The following PRIM2 variants were observed in gnomAD, a reference collection of about 807,000 sequenced individuals.
The protein encoded by PRIM2 is DNA primase large subunit.
A neutral mutation model predicts 67.3 loss-of-function variants in PRIM2; 39 were observed. The ratio of observed to expected loss-of-function variants is 0.58; its 90% confidence interval spans 0.45 to 0.76. PRIM2 has a LOEUF of 0.76. Ranked by LOEUF, PRIM2 falls within the 30% of genes least tolerant of loss-of-function variation. The pLI, the probability that PRIM2 is intolerant of heterozygous loss-of-function variation, is 0.00. For missense variants in PRIM2, 398 were observed against 598.7 expected (o/e 0.66, Z 3.50); for synonymous variants, 143 against 198.7 (o/e 0.72, Z 2.36).
intron 3 of PRIM2, 72 bp downstream of exon 3, chr6:57,320,632 G>T: frequency 2.1e-6 from 2 of 950,812 alleles, no homozygotes; most frequent in Non-Finnish European, 1.6e-6. Flanking sequence ...TTGTGGGAAA[G>T]ATATTATATT....
chr6:57,508,769 T>G (rs1161941058), intron 8 of PRIM2, among the ~76,000 whole-genome samples: 2 of 152,184 alleles, frequency 1.3e-5, no homozygotes, highest in Admixed American at 1.3e-4. Flanking sequence ...ATTTTCCTTA[T>G]TTTTGAGGTG....
chr6:57,268,118 G>C, the PRIM2 span, among the ~76,000 whole-genome samples: 1 of 152,146 alleles, frequency 6.6e-6, no homozygotes. Context: ...AGTATTAGGT[G>C]GTTGGAAGGT....
At chr6:57,431,074 A>G (rs76866683) in intron 7 of PRIM2, among the ~76,000 whole-genome samples, 1 of 152,192 alleles carries the variant, frequency 6.6e-6, no homozygotes, top group Admixed American at 6.5e-5. Flanking sequence ...AAGAGTGAAC[A>G]TGTGTACACA....
intron 7 of PRIM2, among the ~76,000 whole-genome samples, chr6:57,399,471 T>C (rs1367449002): frequency 5.3e-5 from 8 of 152,236 alleles, no homozygotes; most frequent in African/African-American, 1.9e-4. Context: ...TCCAAGTCTT[T>C]GCTATTGTGA....
At chr6:57,539,566 TTG>T (rs1175516387) in intron 10 of PRIM2, among the ~76,000 whole-genome samples, 56,460 of 147,254 alleles carry the variant, frequency 0.38, 11,029 homozygotes, top group East Asian at 0.65. Context: ...ATTATATTCT[TTG>T]TGTGTGTGTG....
intron 7 of PRIM2, among the ~76,000 whole-genome samples, chr6:57,422,463 TTC>T (rs1421580956): frequency 5.3e-5 from 8 of 152,166 alleles, no homozygotes; most frequent in Non-Finnish European, 1.2e-4. Context: ...GATTTATATT[TTC>T]TGTCATTATT....
chr6:57,306,468 G>C, the PRIM2 span, among the ~76,000 whole-genome samples: 1 of 152,194 alleles, frequency 6.6e-6, no homozygotes, highest in Non-Finnish European at 1.5e-5. Context: ...TGAGGGTGCT[G>C]ACTCAGTAAA....
intron 10 of PRIM2, among the ~76,000 whole-genome samples, chr6:57,542,037 G>T (rs1221540089): frequency 4.1e-5 from 6 of 146,954 alleles, no homozygotes; most frequent in Non-Finnish European, 5.9e-5. Context: ...GTGCAGTGGC[G>T]CAGTCTTAGC....
At chr6:57,513,511 G>A (rs1554347906) in intron 8 of PRIM2, among the ~76,000 whole-genome samples, 5 of 151,782 alleles carry the variant, frequency 3.3e-5, no homozygotes, top group Admixed American at 2.0e-4. Flanking sequence ...TAAAAATAAC[G>A]CCTACAGTGT....
chr6:57,267,631 A>C, the PRIM2 span, among the ~76,000 whole-genome samples: 1 of 151,738 alleles, frequency 6.6e-6, no homozygotes, highest in South Asian at 2.1e-4. Flanking sequence ...AATGGTTGAC[A>C]TGCACGGTGG....
At chr6:57,539,051 A>G (rs1775078495) in intron 10 of PRIM2, among the ~76,000 whole-genome samples, 2 of 152,214 alleles carry the variant, frequency 1.3e-5, no homozygotes, top group Admixed American at 1.3e-4. Context: ...AACATTATAA[A>G]AAGCTGTTAT....
the PRIM2 span, among the ~76,000 whole-genome samples, chr6:57,226,405 AG>A: frequency 6.6e-6 from 1 of 152,230 alleles, no homozygotes; most frequent in Non-Finnish European, 1.5e-5. Context: ...CAGAGACAGC[AG>A]GAAGTACGAT....
the PRIM2 span, among the ~76,000 whole-genome samples, chr6:57,242,708 C>T: frequency 6.6e-6 from 1 of 152,098 alleles, no homozygotes; most frequent in Non-Finnish European, 1.5e-5. Flanking sequence ...GCCTCTTTTT[C>T]TCTTTTTTTA....
the PRIM2 span, among the ~76,000 whole-genome samples, chr6:57,247,676 C>G: frequency 6.6e-6 from 1 of 152,158 alleles, no homozygotes; most frequent in Non-Finnish European, 1.5e-5. Flanking sequence ...AAAATCCTAT[C>G]TTAGGTTGTC....
At chr6:57,333,172 TGTCCTA>T (rs1768115050) in intron 5 of PRIM2, among the ~76,000 whole-genome samples, 1 of 152,196 alleles carries the variant, frequency 6.6e-6, no homozygotes, top group African/African-American at 2.4e-5. Flanking sequence ...TCCCTGCCAT[TGTCCTA>T]GTATGGTCAT....
At chr6:57,259,309 G>T in the PRIM2 span, among the ~76,000 whole-genome samples, 1 of 152,002 alleles carries the variant, frequency 6.6e-6, no homozygotes, top group Admixed American at 6.6e-5. Context: ...CTAGGTGGCT[G>T]GGGTAGCTCT....
intron 12 of PRIM2, among the ~76,000 whole-genome samples, chr6:57,618,591 T>C (rs1422418856): frequency 5.9e-5 from 9 of 152,142 alleles, no homozygotes; most frequent in African/African-American, 2.2e-4. Flanking sequence ...GTGGGGGGCA[T>C]GGTGGGAGTG....
rs1268092983 is a variant in PRIM2, at chr6:57,439,606, G to C, written c.693+57438G>C. On this transcript the variant is annotated intron_variant, in intron 7 of 13. Transcript: ENST00000615550. Reference sequence around the variant, plus strand: ...ACTTTTTGTATTTTAGTAGAGATGGGGTTTTGCCATGTTGATCAGGCTGGT... The same window carrying C: ...ACTTTTTGTATTTTAGTAGAGATGGCGTTTTGCCATGTTGATCAGGCTGGT... 7.9e-5 allele frequency among the ~76,000 whole-genome samples: 12 copies of C among 151,518 alleles called. No individual in the cohort carries two copies. In the East Asian group the frequency reaches 2.3e-3, roughly 30 times the overall value.
chr6:57,553,843 A>G (rs1775453985), intron 10 of PRIM2, among the ~76,000 whole-genome samples: 1 of 152,054 alleles, frequency 6.6e-6, no homozygotes, highest in Non-Finnish European at 1.5e-5. Flanking sequence ...GCCACATGTG[A>G]GTTCAAGTAG....
Sources: gnomAD v4.1 joint callset for allele counts (sites outside exome capture counted in the v4.1 genomes callset) on GRCh38, gnomAD v4.1.1 for gene constraint, MANE v1.5 for transcripts, NCBI Gene and HGNC (gene_info 2026-07-23, HGNC 2026-07-21) for gene names.